HDAC9: variants seen among roughly 807,000 people sequenced by gnomAD.
HDAC9 encodes histone deacetylase 9.
A neutral mutation model predicts 139.4 loss-of-function variants in HDAC9; 41 were observed. That is an observed-to-expected ratio of 0.29 (90% CI 0.23 to 0.38). The LOEUF is 0.38. Ranked by LOEUF, HDAC9 falls within the 10% of genes least tolerant of loss-of-function variation. The probability of loss-of-function intolerance (pLI) is 1.00; values close to 1 mark genes in which losing one functional copy is unlikely to be tolerated. For synonymous variants in HDAC9, 517 were observed against 476.2 expected, an observed-to-expected ratio of 1.09 and a Z score of -1.12; for missense variants, 1,147 against 1,297.0, an observed-to-expected ratio of 0.88 and a Z score of 1.78.
At chr7:18,279,126 A>G (rs1158932844) in intron 2 of HDAC9, among the ~76,000 whole-genome samples, 3 of 152,224 alleles carry the variant, frequency 2.0e-5, no homozygotes, top group East Asian at 3.9e-4. Flanking sequence ...TCCAGTCATA[A>G]TAAAAGCTCG....
chr7:18,307,136 TG>T lies in HDAC9; in HGVS notation c.-42+16622del, dbSNP rs1562861120. 8.4e-3 allele frequency among the ~76,000 whole-genome samples: 1,202 copies of T among 143,848 alleles called. 19 individuals carry two copies. The highest frequency in any genetic ancestry group is 0.029 in the African/African-American group (1,095 of 37,842). 94.4% of individuals were successfully genotyped at this position (143,848 alleles called of 152,430 possible). A position where few individuals can be genotyped will look rare whatever the true frequency, so the allele number is the denominator to read the frequency against. ...GTGTGTGTGTGTGTGTGTGTGTGTG[TG>T]TGTGTGTTTGTATAGGAGGAGGCAA... On this transcript the variant is annotated intron_variant, in intron 1 of 3. Coordinates refer to the HDAC9 transcript ENST00000413509.
intron 9 of HDAC9, among the ~76,000 whole-genome samples, chr7:18,647,388 TA>T (rs1787776955): frequency 6.6e-6 from 1 of 152,144 alleles, no homozygotes; most frequent in Non-Finnish European, 1.5e-5. Flanking sequence ...ACTTATTTTT[TA>T]TGGTGAGAAC....
intron 22 of HDAC9, among the ~76,000 whole-genome samples, chr7:18,929,260 T>C (rs10245874): frequency 0.17 from 25,480 of 152,158 alleles, 2,578 homozygotes; most frequent in East Asian, 0.37. Flanking sequence ...TATCAGGAAA[T>C]CAAATTGAAA....
At chr7:18,551,961 C>G (rs1817293933) in intron 2 of HDAC9, among the ~76,000 whole-genome samples, 1 of 152,136 alleles carries the variant, frequency 6.6e-6, no homozygotes, top group African/African-American at 2.4e-5. Context: ...TTATTATGAT[C>G]ACATTTGTTA....
At chr7:18,599,780 T>C (rs1422130151) in intron 6 of HDAC9, among the ~76,000 whole-genome samples, 1 of 152,204 alleles carries the variant, frequency 6.6e-6, no homozygotes, top group Non-Finnish European at 1.5e-5. Flanking sequence ...GGACATGTTT[T>C]CAGCTCAATT....
chr7:18,910,427 T>G (rs191432389), intron 22 of HDAC9, among the ~76,000 whole-genome samples: 1 of 152,140 alleles, frequency 6.6e-6, no homozygotes. Flanking sequence ...ACTGAATTTG[T>G]CAATTCAAGG....
At chr7:18,183,178 T>A (rs997542559) in intron 2 of HDAC9, among the ~76,000 whole-genome samples, 12 of 151,626 alleles carry the variant, frequency 7.9e-5, no homozygotes, top group Non-Finnish European at 1.8e-4. Flanking sequence ...CCCGGCTAAT[T>A]TTTTGTATTT....
intron 14 of HDAC9, among the ~76,000 whole-genome samples, chr7:18,749,746 A>G (rs181354124): frequency 1.1e-3 from 168 of 152,320 alleles, no homozygotes; most frequent in African/African-American, 3.6e-3. Context: ...AGTCATATCA[A>G]TTCAGAAAGG....
chr7:18,740,633 A>C (rs1787364523), intron 13 of HDAC9, among the ~76,000 whole-genome samples: 1 of 152,180 alleles, frequency 6.6e-6, no homozygotes, highest in Non-Finnish European at 1.5e-5. Flanking sequence ...CCAATTTATA[A>C]ACCCACAGTC....
At chr7:18,145,324 T>C (rs970295499) in intron 1 of HDAC9, among the ~76,000 whole-genome samples, 2 of 152,176 alleles carry the variant, frequency 1.3e-5, no homozygotes, top group Non-Finnish European at 2.9e-5. Context: ...ATGGAGATAA[T>C]TTGAAGTGAT....
intron 12 of HDAC9, among the ~76,000 whole-genome samples, chr7:18,709,615 A>G (rs1299426075): frequency 6.6e-6 from 1 of 152,232 alleles, no homozygotes; most frequent in Admixed American, 6.5e-5. Flanking sequence ...ACAAAGATTG[A>G]TTGGGAACTA....
chr7:18,553,701 G>A (rs1315675517), intron 2 of HDAC9, among the ~76,000 whole-genome samples: 1 of 152,200 alleles, frequency 6.6e-6, no homozygotes, highest in Non-Finnish European at 1.5e-5. Context: ...ATAATAGAGG[G>A]AATTAAAGCT....
At chr7:18,525,321 C>T (rs1012296738) in intron 2 of HDAC9, among the ~76,000 whole-genome samples, 7 of 151,744 alleles carry the variant, frequency 4.6e-5, no homozygotes, top group African/African-American at 1.5e-4. Flanking sequence ...AATCTAATTG[C>T]GTTAAATATT....
At chr7:18,208,134 A>G (rs1791673526) in intron 2 of HDAC9, among the ~76,000 whole-genome samples, 2 of 152,180 alleles carry the variant, frequency 1.3e-5, no homozygotes, top group South Asian at 4.1e-4. Context: ...CTTTCGTTTC[A>G]AAGAACTAGC....
intron 1 of HDAC9, among the ~76,000 whole-genome samples, chr7:18,330,299 A>AT: frequency 6.6e-6 from 1 of 151,492 alleles, no homozygotes; most frequent in Non-Finnish European, 1.5e-5. Context: ...AGACACTTAG[A>AT]TATTTGCCGG....
intron 22 of HDAC9, among the ~76,000 whole-genome samples, chr7:18,874,894 A>G (rs17140170): frequency 0.021 from 3,269 of 152,308 alleles, 57 homozygotes; most frequent in African/African-American, 0.048. Flanking sequence ...TGTTTAAAAT[A>G]TGCTGCATGA....
intron 2 of HDAC9, among the ~76,000 whole-genome samples, chr7:18,216,423 T>C (rs1308868744): frequency 6.6e-6 from 1 of 152,158 alleles, no homozygotes; most frequent in Admixed American, 6.6e-5. Flanking sequence ...AGTTTCTTCC[T>C]AATGTTGGTG....
intron 16 of HDAC9, among the ~76,000 whole-genome samples, chr7:18,784,943 T>TTGTG (rs147840943): frequency 0.031 from 887 of 28,164 alleles, 5 homozygotes; most frequent in African/African-American, 0.047. Flanking sequence ...TAGCAATTGC[T>TTGTG]TGTGTGTGTG....
intron 2 of HDAC9, among the ~76,000 whole-genome samples, chr7:18,261,039 A>G (rs1321411136): frequency 1.3e-5 from 2 of 152,128 alleles, no homozygotes; most frequent in African/African-American, 2.4e-5. Flanking sequence ...TCTGGGGCTC[A>G]TGTTTGTAAT....
Sources: allele counts gnomAD v4.1 joint callset (sites outside exome capture counted in the v4.1 genomes callset), GRCh38; gene constraint gnomAD v4.1.1; transcripts MANE v1.5; gene names NCBI Gene and HGNC (gene_info 2026-07-23, HGNC 2026-07-21).